Variants in RALYL observed in about 807,000 individuals in gnomAD.
RALYL encodes the protein RNA-binding Raly-like protein.
Under a neutral mutation model 35.1 loss-of-function variants are expected in RALYL, and 29 were observed. That is an observed-to-expected ratio of 0.83 (90% CI 0.61 to 1.13). The LOEUF is 1.13. Among genes scored for constraint, RALYL ranks in the 50% most tolerant of loss-of-function variants. The pLI, the probability that RALYL is intolerant of heterozygous loss-of-function variation, is 0.00. For synonymous variants in RALYL, 120 were observed against 127.6 expected (o/e 0.94, Z 0.40); for missense variants, 359 against 360.4 (o/e 1.00, Z 0.03).
chr8:84,349,148 A>G (rs1392842626), intron 1 of RALYL, among the ~76,000 whole-genome samples: 24 of 150,110 alleles, frequency 1.6e-4, no homozygotes, highest in Admixed American at 1.6e-3. Flanking sequence ...TTTAAGTTTT[A>G]TCATATGTCC....
At chr8:84,669,784 G>A (rs538880631) in intron 2 of RALYL, among the ~76,000 whole-genome samples, 1 of 152,082 alleles carries the variant, frequency 6.6e-6, no homozygotes, top group South Asian at 2.1e-4. Context: ...CCCAACTCCT[G>A]CCCTAGATTC....
intron 1 of RALYL, among the ~76,000 whole-genome samples, chr8:84,334,047 G>T (rs1188284959): frequency 6.6e-6 from 1 of 151,780 alleles, no homozygotes; most frequent in Non-Finnish European, 1.5e-5. Context: ...CTACCACACA[G>T]CTAAATTTGT....
At chr8:84,804,831 TTA>T in intron 4 of RALYL, 29 bp downstream of exon 4, 1 of 1,003,464 alleles carries the variant, frequency 1.0e-6, no homozygotes, top group Non-Finnish European at 1.3e-6. Context: ...ACTTTAAGTA[TTA>T]ATTATTTAAT....
intron 1 of RALYL, among the ~76,000 whole-genome samples, chr8:84,435,405 CT>C (rs1290529485): frequency 6.6e-6 from 1 of 152,028 alleles, no homozygotes; most frequent in African/African-American, 2.4e-5. Context: ...CAAATTTATG[CT>C]GCTAAATATA....
rs137964638 is a variant in RALYL, at chr8:84,903,142, C to G, written c.858+15366C>G. Among the ~76,000 whole-genome samples, 322 of 152,114 alleles carry G rather than the reference C, an allele frequency of 2.1e-3. 1 individual carries two copies. Among genetic ancestry groups the G allele is most frequent in the African/African-American group, 7.3e-3 (302 of 41,478 alleles). ...GAATATTTTATTAGTAATCTTGTAT[C>G]TCACATCAAGACACTCTTTTGAGGA... On this transcript the variant is annotated intron_variant, in intron 8 of 8. Transcript: ENST00000521268.
intron 2 of RALYL, among the ~76,000 whole-genome samples, chr8:84,674,412 T>G (rs1588924373): frequency 6.6e-6 from 1 of 152,164 alleles, no homozygotes; most frequent in Non-Finnish European, 1.5e-5. Flanking sequence ...AATATTATAT[T>G]GAATAGAAAT....
At chr8:84,324,686 C>G (rs1845487659) in intron 1 of RALYL, among the ~76,000 whole-genome samples, 1 of 151,488 alleles carries the variant, frequency 6.6e-6, no homozygotes, top group South Asian at 2.1e-4. Context: ...TTTAATAGTA[C>G]TATTATGGAA....
At chr8:84,872,388 A>G (rs1346707131) in intron 6 of RALYL, 1 of 152,190 alleles carries the variant, frequency 6.6e-6, no homozygotes, top group Non-Finnish European at 1.5e-5. Context: ...GGTTTTCAGA[A>G]AAATAAGGAC....
At chr8:84,342,139 C>T (rs1488114702) in intron 1 of RALYL, among the ~76,000 whole-genome samples, 1 of 149,974 alleles carries the variant, frequency 6.7e-6, no homozygotes, top group African/African-American at 2.5e-5. Flanking sequence ...ATGGGAGAAC[C>T]AAACCTTTAC....
chr8:84,266,116 A>G (rs1453692183), intron 1 of RALYL, among the ~76,000 whole-genome samples: 1 of 152,100 alleles, frequency 6.6e-6, no homozygotes, highest in African/African-American at 2.4e-5. Flanking sequence ...TACATTTATT[A>G]TGTCTCATAT....
chr8:84,736,136 AAAAT>A (rs1377438136), intron 2 of RALYL, among the ~76,000 whole-genome samples: 2 of 152,118 alleles, frequency 1.3e-5, no homozygotes, highest in Admixed American at 6.6e-5. Context: ...AATAATAAGA[AAAAT>A]ATTATATCTA....
chr8:84,500,046 T>C (rs578011147), intron 1 of RALYL, among the ~76,000 whole-genome samples: 2 of 152,322 alleles, frequency 1.3e-5, no homozygotes, highest in Non-Finnish European at 1.5e-5. Context: ...CATGAGCCAC[T>C]GTGCCTGGAG....
intron 2 of RALYL, among the ~76,000 whole-genome samples, chr8:84,746,762 C>CAAATACTTAATAATAT (rs1336570013): frequency 2.0e-5 from 3 of 151,762 alleles, no homozygotes; most frequent in Non-Finnish European, 4.4e-5. Context: ...ACTTAAATTT[C>CAAATACTTAATAATAT]AAATACTTAA....
chr8:84,197,989 T>C (rs1474369470), intron 1 of RALYL, among the ~76,000 whole-genome samples: 2 of 152,172 alleles, frequency 1.3e-5, no homozygotes, highest in Non-Finnish European at 1.5e-5. Context: ...ATAAACCTTT[T>C]TGAATTAATT....
At chr8:84,335,089 G>A (rs942167916) in intron 1 of RALYL, among the ~76,000 whole-genome samples, 2 of 152,106 alleles carry the variant, frequency 1.3e-5, no homozygotes, top group African/African-American at 2.4e-5. Flanking sequence ...AGGAGGGAGG[G>A]TGAGCTACAC....
At position 84,920,699 on chromosome 8, in the gene RALYL, T is replaced by C. The variant is rs550563923; in HGVS notation, c.859-195T>C. Among the ~76,000 whole-genome samples the C allele has an allele frequency of 2.0e-5, 3 of 152,186 alleles. No individual in the cohort carries two copies. The South Asian group carries it at 6.2e-4, about 32-fold the overall frequency. On this transcript the variant is annotated intron_variant, in intron 8 of 8. Coordinates refer to ENST00000521268, the MANE Select transcript of RALYL (RefSeq NM_173848.7). Reference sequence around the variant, plus strand: ...AAAAAAAATCGTAACATTCCATAAATGAAAATAATTATAGATTTGCCTACA... The same window carrying C: ...AAAAAAAATCGTAACATTCCATAAACGAAAATAATTATAGATTTGCCTACA...
At chr8:84,426,382 C>G (rs1442366426) in intron 1 of RALYL, among the ~76,000 whole-genome samples, 1 of 151,768 alleles carries the variant, frequency 6.6e-6, no homozygotes, top group East Asian at 1.9e-4. Flanking sequence ...CTACATCTCC[C>G]CATTCCTCCT....
At chr8:84,483,459 G>T (rs148157647) in intron 1 of RALYL, among the ~76,000 whole-genome samples, 2 of 152,188 alleles carry the variant, frequency 1.3e-5, no homozygotes, top group African/African-American at 4.8e-5. Context: ...GTGACTGATC[G>T]ATGACTTTCA....
At chr8:84,705,624 C>A (rs1366495985) in intron 2 of RALYL, among the ~76,000 whole-genome samples, 1 of 151,932 alleles carries the variant, frequency 6.6e-6, no homozygotes, top group Non-Finnish European at 1.5e-5. Flanking sequence ...GATATATGAA[C>A]CTAATTTTTA....
Sources: allele counts gnomAD v4.1 joint callset (sites outside exome capture counted in the v4.1 genomes callset), GRCh38; gene constraint gnomAD v4.1.1; transcripts MANE v1.5; gene names NCBI Gene and HGNC (gene_info 2026-07-23, HGNC 2026-07-21).